DLG2: variants seen among roughly 807,000 people sequenced by gnomAD.
The protein encoded by DLG2 is disks large homolog 2.
DLG2 carries 45 observed loss-of-function variants against 132.5 expected under a neutral mutation model. The ratio of observed to expected loss-of-function variants is 0.34; its 90% CI spans 0.27 to 0.44. The LOEUF (loss-of-function observed/expected upper bound fraction) is 0.44. Among genes scored for constraint, DLG2 ranks in the 20% least tolerant of loss-of-function variants. DLG2 has a pLI of 1.00. For missense variants in DLG2, 1,045 were observed against 1,196.9 expected (o/e 0.87, Z 1.87); for synonymous variants, 424 against 419.6 (o/e 1.01, Z -0.13).
At chr11:84,994,614 A>C (rs767821637) in intron 6 of DLG2, among the ~76,000 whole-genome samples, 3 of 152,170 alleles carry the variant, frequency 2.0e-5, no homozygotes, top group African/African-American at 2.4e-5. Context: ...AGTAAAAACA[A>C]ACAGAGCACA....
At chr11:85,351,521 C>T (rs1207317004) in intron 3 of DLG2, among the ~76,000 whole-genome samples, 1 of 152,108 alleles carries the variant, frequency 6.6e-6, no homozygotes, top group African/African-American at 2.4e-5. Flanking sequence ...AGTTTTTGCC[C>T]ATTCAGTATG....
At chr11:83,581,490 C>CAAA (rs374493355) in intron 19 of DLG2, among the ~76,000 whole-genome samples, 8 of 149,562 alleles carry the variant, frequency 5.3e-5, no homozygotes, top group African/African-American at 2.0e-4. Flanking sequence ...TATTTCAGCT[C>CAAA]AAAAAAAAAT....
intron 6 of DLG2, among the ~76,000 whole-genome samples, chr11:84,647,854 C>T (rs925073085): frequency 6.6e-6 from 1 of 152,174 alleles, no homozygotes; most frequent in South Asian, 2.1e-4. Context: ...GCAGAAAATA[C>T]TACATGCACC....
chr11:84,857,780 C>G (rs944888640), intron 6 of DLG2, among the ~76,000 whole-genome samples: 1 of 152,014 alleles, frequency 6.6e-6, no homozygotes, highest in Non-Finnish European at 1.5e-5. Context: ...AAGGAGGAAC[C>G]AAGATCTTTG....
At chr11:83,542,937 G>A (rs549222514) in intron 19 of DLG2, among the ~76,000 whole-genome samples, 113 of 152,152 alleles carry the variant, frequency 7.4e-4, no homozygotes, top group Admixed American at 2.3e-3. Flanking sequence ...GCAAGATCTG[G>A]GGAACAGATT....
chr11:84,808,806 T>G (rs1031126778), intron 6 of DLG2, among the ~76,000 whole-genome samples: 5 of 151,982 alleles, frequency 3.3e-5, no homozygotes, highest in African/African-American at 9.7e-5. Context: ...CTTGACTTTA[T>G]TATTTTAAAA....
chr11:84,610,483 G>C (rs1192753632), intron 6 of DLG2, among the ~76,000 whole-genome samples: 1 of 152,008 alleles, frequency 6.6e-6, no homozygotes, highest in Non-Finnish European at 1.5e-5. Context: ...ACCTAAACCA[G>C]AATTATCTTG....
chr11:84,912,210 C>G (rs575351599), intron 6 of DLG2, among the ~76,000 whole-genome samples: 2 of 152,314 alleles, frequency 1.3e-5, no homozygotes, highest in East Asian at 3.9e-4. Flanking sequence ...AGCACAGCGG[C>G]GCGATCTCGA....
intron 18 of DLG2, among the ~76,000 whole-genome samples, chr11:83,684,245 G>A (rs1032306211): frequency 3.9e-5 from 6 of 152,014 alleles, no homozygotes; most frequent in South Asian, 2.1e-4. Flanking sequence ...AGCTCCTCCC[G>A]ATCAGAAACT....
chr11:83,654,632 T>C (rs555418161), intron 18 of DLG2, among the ~76,000 whole-genome samples: 1 of 152,338 alleles, frequency 6.6e-6, no homozygotes, highest in East Asian at 1.9e-4. Flanking sequence ...CTTGTTCTAC[T>C]GGAGGACACA....
chr11:83,652,813 A>T (rs1490549111), intron 18 of DLG2, among the ~76,000 whole-genome samples: 1 of 152,178 alleles, frequency 6.6e-6, no homozygotes, highest in Non-Finnish European at 1.5e-5. Flanking sequence ...TCCCTTTGAT[A>T]AGACTAATAA....
At chr11:84,767,570 A>G (rs2068610386) in intron 6 of DLG2, among the ~76,000 whole-genome samples, 1 of 152,188 alleles carries the variant, frequency 6.6e-6, no homozygotes, top group African/African-American at 2.4e-5. Context: ...CTCACTTTCT[A>G]TTTTAAAACT....
chr11:84,781,508 TAATA>T (rs2071770326), intron 6 of DLG2, among the ~76,000 whole-genome samples: 1 of 151,778 alleles, frequency 6.6e-6, no homozygotes, highest in Non-Finnish European at 1.5e-5. Context: ...GAAAACGACC[TAATA>T]CATGATAATA....
chr11:85,616,306 A>G (rs1330754321), intron 2 of DLG2, among the ~76,000 whole-genome samples: 1 of 152,220 alleles, frequency 6.6e-6, no homozygotes, highest in Non-Finnish European at 1.5e-5. Flanking sequence ...GTATATAGTA[A>G]GGGGGAAAAA....
chr11:84,105,026 A>G (rs2092806143), intron 9 of DLG2, among the ~76,000 whole-genome samples: 1 of 152,148 alleles, frequency 6.6e-6, no homozygotes. Flanking sequence ...GTGAATTCAG[A>G]TTTAAAAGTA....
intron 4 of DLG2, among the ~76,000 whole-genome samples, chr11:85,225,945 T>A (rs1480835185): frequency 6.6e-6 from 1 of 152,114 alleles, no homozygotes; most frequent in East Asian, 1.9e-4. Flanking sequence ...TTGTTCCTTC[T>A]CTGTATTACC....
chr11:85,171,252 C>G (rs72945919), intron 4 of DLG2, among the ~76,000 whole-genome samples: 8,278 of 152,008 alleles, frequency 0.054, 306 homozygotes, highest in African/African-American at 0.098. Context: ...GACAGCTGGA[C>G]CCATGGAGAG....
intron 9 of DLG2, among the ~76,000 whole-genome samples, chr11:84,107,562 T>C (rs1894170): frequency 0.86 from 131,119 of 152,030 alleles, 56,936 homozygotes; most frequent in Middle Eastern, 0.94. Flanking sequence ...ACACACATTA[T>C]ACTTGTACAA....
At chr11:83,547,652 C>T (rs1046783948) in intron 19 of DLG2, among the ~76,000 whole-genome samples, 3 of 152,124 alleles carry the variant, frequency 2.0e-5, no homozygotes, top group Non-Finnish European at 4.4e-5. Flanking sequence ...GAGCAGAAAA[C>T]AATTCTCCTA....
Sources: allele counts gnomAD v4.1 joint callset (sites outside exome capture counted in the v4.1 genomes callset), GRCh38; gene constraint gnomAD v4.1.1; transcripts MANE v1.5; gene names NCBI Gene and HGNC (gene_info 2026-07-23, HGNC 2026-07-21).